NOS1AP: variants seen among roughly 807,000 people sequenced by gnomAD.
The protein encoded by NOS1AP is nitric oxide synthase 1 adaptor protein, also known as carboxyl-terminal PDZ ligand of neuronal nitric oxide synthase protein.
NOS1AP carries 21 observed loss-of-function variants against 56.2 expected under a neutral mutation model. That is an observed-to-expected ratio of 0.37 (90% CI 0.26 to 0.54). The LOEUF (loss-of-function observed/expected upper bound fraction) is 0.54. Among genes scored for constraint, NOS1AP ranks in the 20% least tolerant of loss-of-function variants. The pLI, the probability that NOS1AP is intolerant of heterozygous loss-of-function variation, is 0.84. For synonymous variants in NOS1AP, 270 were observed against 274.6 expected, an observed-to-expected ratio of 0.98 and a Z score of 0.17; for missense variants, 522 against 657.8, an observed-to-expected ratio of 0.79 and a Z score of 2.26.
rs1187788749 is a variant in NOS1AP, at chr1:162,289,196, C to CTTCCTTCCTTCCTTCCT, written c.270+1774_270+1775insCCTTTCCTTCCTTCCTT. Among the ~76,000 whole-genome samples the CTTCCTTCCTTCCTTCCT allele has an allele frequency of 9.6e-3, 1,223 of 126,966 alleles. 50 individuals carry two copies. Among genetic ancestry groups the CTTCCTTCCTTCCTTCCT allele is most frequent in the Admixed American group, 0.016 (185 of 11,922 alleles). The allele number at this position is 126,966 out of a possible 152,430, so 83.3% of individuals were successfully genotyped here. On this transcript the variant is annotated intron_variant, in intron 3 of 9. Coordinates refer to ENST00000361897, the MANE Select transcript of NOS1AP (RefSeq NM_014697.3). ...ACATATCTTTGTTTGCCTTTCTTTC[C>CTTCCTTCCTTCCTTCCT]TTCCTTCCTTCCTTTCCTTCCTTCC...
chr1:162,291,273 G>A (rs1195627569), intron 3 of NOS1AP, among the ~76,000 whole-genome samples: 1 of 152,178 alleles, frequency 6.6e-6, no homozygotes, highest in Admixed American at 6.5e-5. Flanking sequence ...AGCCATCTTT[G>A]TAAGCCCAGC....
At chr1:162,215,206 C>T (rs151014986) in intron 2 of NOS1AP, among the ~76,000 whole-genome samples, 40 of 152,306 alleles carry the variant, frequency 2.6e-4, no homozygotes, top group African/African-American at 9.6e-4. Flanking sequence ...CCCTGAGCAC[C>T]CCTAGCCTCG....
intron 1 of NOS1AP, among the ~76,000 whole-genome samples, chr1:162,093,880 A>G (rs1396998290): frequency 6.6e-6 from 1 of 152,182 alleles, no homozygotes; most frequent in Non-Finnish European, 1.5e-5. Context: ...AAAATTAAGC[A>G]ACAGTACAAA....
At chr1:162,093,201 G>A (rs1692170570) in intron 1 of NOS1AP, among the ~76,000 whole-genome samples, 1 of 152,150 alleles carries the variant, frequency 6.6e-6, no homozygotes, top group African/African-American at 2.4e-5. Flanking sequence ...TATCTGAGCA[G>A]GGGATAAGTA....
chr1:162,199,595 CGTGTGTGT>C (rs58625856), intron 2 of NOS1AP, among the ~76,000 whole-genome samples: 2,882 of 131,664 alleles, frequency 0.022, 31 homozygotes, highest in Middle Eastern at 0.052. Context: ...GCATGGATTG[CGTGTGTGT>C]GTGTGTGTGT....
At chr1:162,144,295 G>A (rs1339706988) in intron 1 of NOS1AP, among the ~76,000 whole-genome samples, 2 of 152,252 alleles carry the variant, frequency 1.3e-5, no homozygotes, top group South Asian at 2.1e-4. Flanking sequence ...TGGTGGTACA[G>A]GGTAGGGAGT....
intron 2 of NOS1AP, among the ~76,000 whole-genome samples, chr1:162,277,852 C>T (rs895207783): frequency 1.3e-5 from 2 of 152,294 alleles, no homozygotes; most frequent in Admixed American, 6.5e-5. Context: ...GTGATTTCAT[C>T]CAGATATTTT....
chr1:162,181,331 A>G (rs1651249252), intron 2 of NOS1AP, among the ~76,000 whole-genome samples: 2 of 152,250 alleles, frequency 1.3e-5, no homozygotes, highest in African/African-American at 4.8e-5. Flanking sequence ...TAGTAATGTC[A>G]TGAAAGTCAG....
At chr1:162,297,564 G>A (rs1331896240) in intron 3 of NOS1AP, among the ~76,000 whole-genome samples, 1 of 152,164 alleles carries the variant, frequency 6.6e-6, no homozygotes, top group Non-Finnish European at 1.5e-5. Flanking sequence ...GTCTTTCTTT[G>A]GTGTATAGCA....
intron 5 of NOS1AP, among the ~76,000 whole-genome samples, chr1:162,339,454 A>T (rs1557884267): frequency 6.6e-6 from 1 of 151,860 alleles, no homozygotes; most frequent in African/African-American, 2.4e-5. Context: ...TTTGGAACTC[A>T]AAAAGGCTGC....
In NOS1AP at chr1:162,365,439, T is replaced by A; in HGVS notation, c.975T>A (p.Ala325=). The A allele has an allele frequency of 6.2e-7, 1 of 1,614,114 alleles. No homozygotes were observed. Among genetic ancestry groups the A allele is most frequent in the Non-Finnish European group, 8.5e-7 (1 of 1,180,046 alleles). ...TGAAGGACCAGTTGGCTGCTGAGGC[T>A]GCGGCGCGGCTGGAGGCCCAGGCTC... ...HLLKDQLAAE[A]AARLEAQARV... The change falls in exon 9 of 10, where the codon GCT becomes GCA. Residue 325 remains alanine, a synonymous_variant. Coordinates refer to ENST00000361897, the MANE Select transcript of NOS1AP (RefSeq NM_014697.3).
At chr1:162,178,416 A>G (rs984058089) in intron 2 of NOS1AP, among the ~76,000 whole-genome samples, 5 of 152,216 alleles carry the variant, frequency 3.3e-5, no homozygotes, top group Non-Finnish European at 7.3e-5. Flanking sequence ...TTAGTTTTGT[A>G]TTATTTTATT....
At chr1:162,155,401 C>G (rs372598660) in intron 2 of NOS1AP, among the ~76,000 whole-genome samples, 5 of 107,920 alleles carry the variant, frequency 4.6e-5, no homozygotes, top group African/African-American at 1.7e-4. Flanking sequence ...ATAGAGAGCT[C>G]ATATATATAT....
At chr1:162,089,190 G>A (rs1047704080) in intron 1 of NOS1AP, among the ~76,000 whole-genome samples, 15 of 152,186 alleles carry the variant, frequency 9.9e-5, no homozygotes, top group Non-Finnish European at 2.2e-4. Flanking sequence ...AAGGATGAAT[G>A]TGATAGATGT....
intron 3 of NOS1AP, among the ~76,000 whole-genome samples, chr1:162,294,350 G>T (rs1413229714): frequency 1.3e-5 from 2 of 152,140 alleles, no homozygotes; most frequent in Non-Finnish European, 2.9e-5. Flanking sequence ...ATCTCCCAGG[G>T]ACGGGCCTGC....
At chr1:162,127,720 G>A (rs1324954010) in intron 1 of NOS1AP, among the ~76,000 whole-genome samples, 2 of 152,106 alleles carry the variant, frequency 1.3e-5, no homozygotes, top group Non-Finnish European at 2.9e-5. Flanking sequence ...ACTTTTAAAT[G>A]ACCAGATCTC....
intron 2 of NOS1AP, among the ~76,000 whole-genome samples, chr1:162,265,136 A>G (rs1304247918): frequency 6.6e-6 from 1 of 151,762 alleles, no homozygotes; most frequent in African/African-American, 2.4e-5. Flanking sequence ...CTTTCTATCT[A>G]TATTTTAAAT....
chr1:162,173,918 A>T (rs1386286946), intron 2 of NOS1AP, among the ~76,000 whole-genome samples: 1 of 152,182 alleles, frequency 6.6e-6, no homozygotes, highest in Non-Finnish European at 1.5e-5. Context: ...AACAGGTGCT[A>T]GAGAGGATGT....
At chr1:162,270,648 T>G (rs1310917809) in intron 2 of NOS1AP, among the ~76,000 whole-genome samples, 1 of 152,214 alleles carries the variant, frequency 6.6e-6, no homozygotes, top group Non-Finnish European at 1.5e-5. Context: ...AGTGCAGACA[T>G]GAGAAAATCC....
Sources: allele counts gnomAD v4.1 joint callset (sites outside exome capture counted in the v4.1 genomes callset), GRCh38; gene constraint gnomAD v4.1.1; transcripts MANE v1.5; gene names NCBI Gene and HGNC (gene_info 2026-07-23, HGNC 2026-07-21).